Variants in RECQL5 observed in about 807,000 individuals in gnomAD.
RECQL5 encodes the protein RecQ like helicase 5.
Under a neutral mutation model 103.4 loss-of-function variants are expected in RECQL5, and 88 were observed. That is an observed-to-expected ratio of 0.85 (90% CI 0.72 to 1.02). The LOEUF (loss-of-function observed/expected upper bound fraction) is 1.02, where lower values mean the gene tolerates loss of function less well. Ranked by LOEUF, RECQL5 falls within the 50% of genes least tolerant of loss-of-function variation. The pLI, the probability that RECQL5 is intolerant of heterozygous loss-of-function variation, is 0.00. For synonymous variants in RECQL5, 552 were observed against 507.9 expected (o/e 1.09, Z -1.17); for missense variants, 1,232 against 1,284.3 (o/e 0.96, Z 0.62).
In RECQL5 at chr17:75,631,620, G is replaced by A. The variant is rs376706333; in HGVS notation, c.1278C>T (p.Ala426=). 10 of 1,612,232 alleles carry A rather than the reference G, an allele frequency of 6.2e-6. No homozygotes were observed. Among genetic ancestry groups the A allele is most frequent in the African/African-American group, 1.3e-5 (1 of 74,924 alleles). The change falls in exon 9 of 20, where the codon GCC becomes GCT. Residue 426 remains alanine (A), a synonymous_variant. Coordinates refer to ENST00000317905, the MANE Select transcript of RECQL5 (RefSeq NM_004259.7). ...IAKYFGDALP[A]CAKGCDHCQN... ...GGCAGTGGTCGCAGCCTTTGGCGCA[G>A]GCAGGCAGCGCATCCCCGAAGTACT...
chr17:75,664,593 G>A (rs1205644852), intron 3 of RECQL5, among the ~76,000 whole-genome samples: 1 of 152,104 alleles, frequency 6.6e-6, no homozygotes, highest in African/African-American at 2.4e-5. Context: ...ACCCAATATA[G>A]CGAATGAGAT....
At chr17:75,654,175 C>A (rs2059589047) in intron 7 of RECQL5, among the ~76,000 whole-genome samples, 1 of 152,212 alleles carries the variant, frequency 6.6e-6, no homozygotes, top group Non-Finnish European at 1.5e-5. Flanking sequence ...CATTTCCTTT[C>A]TTGTGTAACT....
rs55982817 is a variant in RECQL5, at chr17:75,630,841, T to TGGGG, written c.1586-8_1586-5dup. On this transcript the variant is annotated splice_region_variant and splice_polypyrimidine_tract_variant and intron_variant, in intron 11 of 19. Transcript: ENST00000317905. ...TCTTTCAGGGGACAGTTCTCATCTG[T>TGGGG]GGGGGGGGGGGGTGGTCCTTGGTCC... The TGGGG allele has an allele frequency of 2.3e-4, 265 of 1,134,408 alleles. 3 individuals carry two copies. The African/African-American group carries it at 6.2e-3, about 26-fold the overall frequency. 70.3% of individuals were successfully genotyped at this position (1,134,408 alleles called of 1,614,324 possible). A position where few individuals can be genotyped will look rare whatever the true frequency, so the allele number is the denominator to read the frequency against.
Position 75,640,965 on chromosome 17 carries a change from T to C in RECQL5, c.1230-9297A>G. 1.3e-6 allele frequency: 2 copies of C among 1,522,822 alleles called. No homozygotes were observed. The highest frequency in any genetic ancestry group is 1.2e-5 in the South Asian group (1 of 83,100). The allele number at this position is 1,522,822 out of a possible 1,614,324, so 94.3% of individuals were successfully genotyped here. ...AATGCCATGACACAGGCCATCAGCC[T>C]GGCCCTGCAGCCCTTACCCCTCAAG... is the stretch of plus-strand genomic sequence containing the variant. On this transcript the variant is annotated intron_variant, in intron 8 of 19. Transcript: ENST00000317905. The surrounding 1 kb of genome is among the most constrained non-coding windows in gnomAD (Gnocchi z 4.6).
intron 15 of RECQL5, 42 bp from the exon 16 acceptor site, chr17:75,629,517 G>T (rs2059166639): frequency 2.0e-6 from 3 of 1,500,232 alleles, no homozygotes; most frequent in Non-Finnish European, 2.7e-6. Context: ...AGCCCACTAG[G>T]CCCCCTTGAG....
intron 8 of RECQL5, among the ~76,000 whole-genome samples, chr17:75,648,576 T>C (rs970230763): frequency 1.3e-5 from 2 of 151,478 alleles, no homozygotes; most frequent in African/African-American, 4.9e-5. Flanking sequence ...GGTTTCACCG[T>C]GTTAGCCAGG....
intron 18 of RECQL5, 132 bp downstream of exon 18, chr17:75,628,086 C>CCCCAGGGAGGACGGG: frequency 1.3e-6 from 1 of 780,042 alleles, no homozygotes; most frequent in Non-Finnish European, 2.1e-6. Context: ...GCAAGGCAGG[C>CCCCAGGGAGGACGGG]CCCAGGGAGG....
intron 3 of RECQL5, 135 bp from the exon 4 acceptor site, chr17:75,663,132 T>C: frequency 1.2e-6 from 1 of 861,338 alleles, no homozygotes; most frequent in African/African-American, 1.7e-5. Context: ...ATAGAAGTAG[T>C]AGAGGTTGAA....
At chr17:75,627,987 C>G (rs2059131071) in intron 18 of RECQL5, among the ~76,000 whole-genome samples, 1 of 150,876 alleles carries the variant, frequency 6.6e-6, no homozygotes, top group African/African-American at 2.4e-5. Flanking sequence ...CCACTGCACT[C>G]CAGCCTGGGC....
Position 75,628,537 on chromosome 17 carries a change from T to C in RECQL5, c.2581-95A>G, listed in dbSNP as rs73995939. The C allele has an allele frequency of 1.9e-3, 2,881 of 1,525,954 alleles. 41 individuals carry two copies. In the African/African-American group the frequency reaches 0.034, roughly 18 times the overall value. The allele number at this position is 1,525,954 out of a possible 1,614,324, so 94.5% of individuals were successfully genotyped here. On this transcript the variant is annotated intron_variant, in intron 17 of 19. Transcript: ENST00000317905. ...ACTGGGTCCCCGCACCAGCTGCCTCTCTCCAGCCCAGCCCATCTGCTGCCA... is the reference window on the plus strand; with the variant it reads ...ACTGGGTCCCCGCACCAGCTGCCTCCCTCCAGCCCAGCCCATCTGCTGCCA...
At chr17:75,662,374 G>A in intron 4 of RECQL5, 105 bp downstream of exon 4, 1 of 1,239,308 alleles carries the variant, frequency 8.1e-7, no homozygotes. Context: ...TAGGAAGCCT[G>A]GCTGAGAAAG....
chr17:75,641,761 G>A (rs1224633815), intron 8 of RECQL5, among the ~76,000 whole-genome samples: 1 of 152,170 alleles, frequency 6.6e-6, no homozygotes, highest in East Asian at 1.9e-4. Context: ...AGACCAGTGG[G>A]TCTTCACAAA....
At chr17:75,665,281 TGGGA>T (rs2059753332) in intron 2 of RECQL5, 109 bp from the exon 3 acceptor site, 2 of 984,754 alleles carry the variant, frequency 2.0e-6, no homozygotes, top group Non-Finnish European at 3.1e-6. Context: ...GTCTGGCACA[TGGGA>T]GGGTCTCGAT....
At chr17:75,628,164 T>C in intron 18 of RECQL5, 54 bp downstream of exon 18, 2 of 1,188,794 alleles carry the variant, frequency 1.7e-6, no homozygotes, top group Non-Finnish European at 2.5e-6. Context: ...CCACCCCCAC[T>C]ACACCCACAT....
chr17:75,645,378 A>C (rs1019932624), intron 8 of RECQL5, among the ~76,000 whole-genome samples: 1 of 152,284 alleles, frequency 6.6e-6, no homozygotes, highest in East Asian at 1.9e-4. Context: ...TCAAACTCCA[A>C]CTCAGTTACT....
In RECQL5 at chr17:75,627,340, C is replaced by T; in HGVS notation, c.*82G>A. The T allele has an allele frequency of 2.9e-6, 3 of 1,047,564 alleles. No individual in the cohort carries two copies. Among genetic ancestry groups the T allele is most frequent in the South Asian group, 2.6e-5 (2 of 76,728 alleles). 64.9% of individuals were successfully genotyped at this position (1,047,564 alleles called of 1,614,324 possible). On this transcript the variant is annotated 3_prime_UTR_variant, in exon 20 of 20. Coordinates refer to ENST00000317905, the MANE Select transcript of RECQL5 (RefSeq NM_004259.7). ...GAGAAGGACTGAGAAAAGACGATGGCCCTGGCATCAGCAGGTGAGGCCCAG... is the reference window on the plus strand; with the variant it reads ...GAGAAGGACTGAGAAAAGACGATGGTCCTGGCATCAGCAGGTGAGGCCCAG...
rs753512974 is a variant in RECQL5 at position 75,631,193 on chromosome 17, CG to C, written c.1504del (p.Arg502GlyfsTer21). The C allele has an allele frequency of 1.9e-6, 3 of 1,613,940 alleles. No individual in the cohort carries two copies. The South Asian group carries it at 3.3e-5, about 18-fold the overall frequency. Reference protein sequence around the residue: ...GDEGRDEAHKREWNLFYQKQM... With the variant: ...GDEGRDEAHKXEWNLFYQKQM... ...CTTCTGATAGAAGAGGTTCCACTCC[CG>C]CTTGTGGGCCTCATCTCTGCCTTCA... On this transcript the variant is annotated frameshift_variant, in exon 10 of 20. Transcript: ENST00000317905. LOFTEE classifies it high-confidence loss of function.
At chr17:75,661,729 AG>A in intron 4 of RECQL5, 21 bp from the exon 5 acceptor site, 1 of 1,573,672 alleles carries the variant, frequency 6.4e-7, no homozygotes, top group African/African-American at 1.3e-5. Context: ...AGATGCAGGA[AG>A]AAAATAAGCA....
rs376329051 is a variant in RECQL5, at chr17:75,630,234, A to G, written c.1762T>C (p.Phe588Leu). The G allele has an allele frequency of 1.9e-6, 3 of 1,561,692 alleles. No individual in the cohort carries two copies. Among genetic ancestry groups the G allele is most frequent in the Non-Finnish European group, 2.6e-6 (3 of 1,152,002 alleles). The part of the protein sequence containing the change: ...AKAVELEHET[F>L]RNAKVANLYK... Reference sequence around the variant, plus strand: ...AGGTTGGCCACCTTGGCGTTCCGGAATGTCTCATGTTCCAGCTCCACGGCC... The same window carrying G: ...AGGTTGGCCACCTTGGCGTTCCGGAGTGTCTCATGTTCCAGCTCCACGGCC... The change falls in exon 14 of 20, where the codon TTC (phenylalanine) becomes CTC (leucine). Residue 588 changes from phenylalanine (F) to leucine (L), a missense_variant. By Grantham distance (22) the Phe-to-Leu change is conservative. Coordinates refer to ENST00000317905, the MANE Select transcript of RECQL5 (RefSeq NM_004259.7).
Sources: allele counts gnomAD v4.1 joint callset (sites outside exome capture counted in the v4.1 genomes callset), GRCh38; gene constraint gnomAD v4.1.1; non-coding constraint Gnocchi (gnomAD v3.1); transcripts MANE v1.5; gene names NCBI Gene and HGNC (gene_info 2026-07-23, HGNC 2026-07-21).